The following MACROD2 variants were observed in gnomAD, a reference collection of about 807,000 sequenced individuals.
The protein encoded by MACROD2 is mono-ADP ribosylhydrolase 2, also known as ADP-ribose glycohydrolase MACROD2.
In MACROD2, 36 loss-of-function variants were observed where a neutral mutation model predicts 70.4. The ratio of observed to expected loss-of-function variants is 0.51; its 90% confidence interval spans 0.39 to 0.68. The LOEUF is 0.68. MACROD2 is among the 30% of genes least tolerant of loss of function. The pLI, the probability that MACROD2 is intolerant of heterozygous loss-of-function variation, is 0.00. For missense variants in MACROD2, 496 were observed against 538.4 expected (o/e 0.92, Z 0.78); for synonymous variants, 172 against 178.8 (o/e 0.96, Z 0.30).
intron 6 of MACROD2, among the ~76,000 whole-genome samples, chr20:15,341,539 C>A (rs2423940): frequency 0.62 from 94,295 of 151,932 alleles, 29,352 homozygotes; most frequent in East Asian, 0.75. Flanking sequence ...ACTTTTAAAG[C>A]ACATTTCTGA....
At chr20:14,142,967 A>G (rs2054896882) in intron 3 of MACROD2, among the ~76,000 whole-genome samples, 1 of 152,166 alleles carries the variant, frequency 6.6e-6, no homozygotes, top group Non-Finnish European at 1.5e-5. Context: ...ACATGCATGC[A>G]CACACACGAA....
intron 4 of MACROD2, among the ~76,000 whole-genome samples, chr20:14,683,271 C>T (rs1448746116): frequency 9.2e-5 from 14 of 152,152 alleles, no homozygotes. Flanking sequence ...CAAAGGGACA[C>T]ATAACACTGT....
intron 8 of MACROD2, among the ~76,000 whole-genome samples, chr20:15,693,511 C>T (rs988096974): frequency 6.6e-6 from 1 of 152,176 alleles, no homozygotes; most frequent in African/African-American, 2.4e-5. Flanking sequence ...TCACTCTCTT[C>T]TCACATTTAC....
chr20:14,094,022 A>G (rs1197616904), intron 3 of MACROD2, among the ~76,000 whole-genome samples: 1 of 150,864 alleles, frequency 6.6e-6, no homozygotes, highest in African/African-American at 2.4e-5. Flanking sequence ...GAAGATGGGG[A>G]GTTTTTGAAA....
chr20:15,264,674 A>G (rs1232341557), intron 6 of MACROD2, among the ~76,000 whole-genome samples: 1 of 151,750 alleles, frequency 6.6e-6, no homozygotes. Context: ...AGAATAGGTG[A>G]AAAGTCTCTC....
intron 5 of MACROD2, among the ~76,000 whole-genome samples, chr20:15,159,869 G>A (rs1466746243): frequency 2.0e-5 from 3 of 152,008 alleles, no homozygotes; most frequent in Admixed American, 6.6e-5. Context: ...AATTCTCAGC[G>A]CAGTGGGAGA....
chr20:15,081,434 A>G (rs1310609057), intron 5 of MACROD2, among the ~76,000 whole-genome samples: 2 of 152,138 alleles, frequency 1.3e-5, no homozygotes, highest in Non-Finnish European at 1.5e-5. Flanking sequence ...TGAAGCTTAA[A>G]TTTATTTTTT....
intron 5 of MACROD2, among the ~76,000 whole-genome samples, chr20:14,733,893 C>A (rs1300299324): frequency 6.6e-6 from 1 of 152,184 alleles, no homozygotes; most frequent in African/African-American, 2.4e-5. Context: ...TGCTGTGCAA[C>A]ATTGAGCTAA....
intron 3 of MACROD2, among the ~76,000 whole-genome samples, chr20:14,245,320 G>A (rs2081960558): frequency 6.7e-6 from 1 of 149,652 alleles, no homozygotes; most frequent in Non-Finnish European, 1.5e-5. Context: ...CCGAGATTGT[G>A]CCACTGCACT....
intron 5 of MACROD2, among the ~76,000 whole-genome samples, chr20:14,707,056 G>C (rs2071277836): frequency 1.3e-5 from 2 of 152,086 alleles, no homozygotes; most frequent in African/African-American, 2.4e-5. Context: ...AGGCTGAATG[G>C]GGTTGTCAGG....
intron 9 of MACROD2, among the ~76,000 whole-genome samples, chr20:15,882,659 A>G (rs1297563434): frequency 6.6e-6 from 1 of 152,054 alleles, no homozygotes; most frequent in Non-Finnish European, 1.5e-5. Flanking sequence ...ATATTCTGGT[A>G]TTCTTCTTAC....
chr20:15,560,762 CAAAAAAAAA>C (rs71190190), intron 8 of MACROD2, among the ~76,000 whole-genome samples: 14 of 22,084 alleles, frequency 6.3e-4, no homozygotes, highest in Admixed American at 3.6e-3. Flanking sequence ...AACAAAGTCT[CAAAAAAAAA>C]AAAAAAAAAA....
chr20:15,271,083 A>C, intron 6 of MACROD2, among the ~76,000 whole-genome samples: 1 of 152,116 alleles, frequency 6.6e-6, no homozygotes. Context: ...CAAATGACCA[A>C]TCTCTCTCTC....
intron 8 of MACROD2, among the ~76,000 whole-genome samples, chr20:15,525,261 A>C (rs2047706506): frequency 6.6e-6 from 1 of 151,832 alleles, no homozygotes; most frequent in Non-Finnish European, 1.5e-5. Context: ...GTGAATGCTT[A>C]CTCTCCACTA....
intron 4 of MACROD2, among the ~76,000 whole-genome samples, chr20:14,524,992 C>A (rs189967119): frequency 8.3e-4 from 126 of 152,164 alleles, no homozygotes; most frequent in African/African-American, 2.9e-3. Context: ...GGAAGAGCCC[C>A]CATTTTCTTA....
At chr20:15,329,555 T>G (rs528275597) in intron 6 of MACROD2, among the ~76,000 whole-genome samples, 51 of 151,938 alleles carry the variant, frequency 3.4e-4, no homozygotes, top group Non-Finnish European at 6.6e-4. Context: ...CTGGGCAACA[T>G]AGCAAGACCC....
intron 8 of MACROD2, among the ~76,000 whole-genome samples, chr20:15,657,316 A>AT: frequency 6.6e-6 from 1 of 152,348 alleles, no homozygotes; most frequent in Admixed American, 6.5e-5. Context: ...TCCAAGCCTT[A>AT]GAGCATAAGG....
At chr20:15,778,577 T>A (rs2051771779) in intron 8 of MACROD2, among the ~76,000 whole-genome samples, 1 of 152,064 alleles carries the variant, frequency 6.6e-6, no homozygotes, top group South Asian at 2.1e-4. Context: ...AATATTTTAA[T>A]CCCTGGATGA....
chr20:15,979,582 C>CA (rs11446993), intron 13 of MACROD2, among the ~76,000 whole-genome samples: 34,839 of 151,884 alleles, frequency 0.23, 4,232 homozygotes, highest in South Asian at 0.34. Context: ...ATCTGCTTTG[C>CA]ACCTATAACC....
Sources: allele counts gnomAD v4.1 joint callset (sites outside exome capture counted in the v4.1 genomes callset), GRCh38; gene constraint gnomAD v4.1.1; transcripts MANE v1.5; gene names NCBI Gene and HGNC (gene_info 2026-07-23, HGNC 2026-07-21).